COTL1: variants seen among roughly 807,000 people sequenced by gnomAD.
COTL1 encodes coactosin-like protein.
In COTL1, 15 loss-of-function variants were observed where a neutral mutation model predicts 16.5. That is an observed-to-expected ratio of 0.91 (90% CI 0.61 to 1.40). The LOEUF (loss-of-function observed/expected upper bound fraction) is 1.40. Among genes scored for constraint, COTL1 ranks in the 40% most tolerant of loss-of-function variants. The pLI, the probability that COTL1 is intolerant of heterozygous loss-of-function variation, is 0.00. For missense variants in COTL1, 220 were observed against 201.5 expected (o/e 1.09, Z -0.56); for synonymous variants, 112 against 85.3 (o/e 1.31, Z -1.73).
chr16:84,601,453 G>C (rs1401930328), intron 2 of COTL1, among the ~76,000 whole-genome samples: 2 of 152,032 alleles, frequency 1.3e-5, no homozygotes, highest in South Asian at 2.1e-4. Flanking sequence ...TGTTTGATTA[G>C]GGTCTTTTTC....
At chr16:84,614,807 T>C (rs997960545) in intron 2 of COTL1, among the ~76,000 whole-genome samples, 4 of 152,028 alleles carry the variant, frequency 2.6e-5, no homozygotes, top group African/African-American at 9.7e-5. Context: ...TGGGCAACCA[T>C]GTCATTTGCA....
At chr16:84,616,884 G>C (rs1019205108) in intron 2 of COTL1, among the ~76,000 whole-genome samples, 3 of 152,182 alleles carry the variant, frequency 2.0e-5, no homozygotes, top group Non-Finnish European at 4.4e-5. Context: ...CCAGCAGTCC[G>C]GGTGGTGTGC....
At chr16:84,583,963 G>A (rs2967851) in intron 3 of COTL1, among the ~76,000 whole-genome samples, 25,729 of 152,132 alleles carry the variant, frequency 0.17, 5,176 homozygotes, top group African/African-American at 0.48. Context: ...AAAAGGATCA[G>A]GTGAATGAAC....
chr16:84,585,196 C>G (rs2150685431), intron 3 of COTL1, among the ~76,000 whole-genome samples: 1 of 149,960 alleles, frequency 6.7e-6, no homozygotes, highest in South Asian at 2.1e-4. Flanking sequence ...ACAGATCCCT[C>G]CACTAAAATT....
chr16:84,579,278 C>T (rs1053866942), intron 3 of COTL1, among the ~76,000 whole-genome samples: 2 of 152,232 alleles, frequency 1.3e-5, no homozygotes, highest in African/African-American at 4.8e-5. Context: ...AGGTGGATCA[C>T]CTGAGGTCAG....
At position 84,614,307 on chromosome 16, in the gene COTL1, C is replaced by T. The variant is rs541678956; in HGVS notation, c.160+3194G>A. On this transcript the variant is annotated intron_variant, in intron 2 of 3. Coordinates refer to ENST00000262428, the MANE Select transcript of COTL1 (RefSeq NM_021149.5). Reference sequence around the variant, plus strand: ...GCCAGGCAAGCTCGGGAAGAAGCAGCGCAGACCCAGAGCAGGCAGAAAGAT... The same window carrying T: ...GCCAGGCAAGCTCGGGAAGAAGCAGTGCAGACCCAGAGCAGGCAGAAAGAT... Among the ~76,000 whole-genome samples, 19 of 152,252 alleles carry T rather than the reference C, an allele frequency of 1.2e-4. No individual in the cohort carries two copies. The East Asian group carries it at 1.4e-3, about 11-fold the overall frequency.
At chr16:84,609,696 G>C (rs754990673) in intron 2 of COTL1, among the ~76,000 whole-genome samples, 14 of 152,184 alleles carry the variant, frequency 9.2e-5, no homozygotes, top group Non-Finnish European at 1.6e-4. Context: ...GGAGATAATT[G>C]ACTCAGGGGG....
intron 2 of COTL1, among the ~76,000 whole-genome samples, chr16:84,609,255 G>A (rs1164865459): frequency 6.6e-6 from 1 of 152,126 alleles, no homozygotes; most frequent in African/African-American, 2.4e-5. Flanking sequence ...TGACTCCTTC[G>A]CATTCCAGCT....
intron 2 of COTL1, among the ~76,000 whole-genome samples, chr16:84,612,613 T>C (rs1905357625): frequency 6.6e-6 from 1 of 152,052 alleles, no homozygotes; most frequent in Non-Finnish European, 1.5e-5. Flanking sequence ...TGAAACCCCG[T>C]CTCTACTAAA....
rs758152831 is a variant in COTL1, at chr16:84,590,161, C to T, written c.262G>A (p.Gly88Arg). 9 of 1,614,140 alleles carry T rather than the reference C, an allele frequency of 5.6e-6. No homozygotes were observed. Among genetic ancestry groups the T allele is most frequent in the East Asian group, 2.2e-5 (1 of 44,884 alleles). The part of the protein sequence containing the change: ...LITWIGENVS[G>R]LQRAKTGTDK... ...GTCCCGGTTTTGGCGCGCTGCAGCC[C>T]GCTGACGTTCTCACCGATCCACGTG... The change falls in exon 3 of 4, where the codon GGG (glycine) becomes AGG (arginine). Residue 88 changes from glycine to arginine, a missense_variant. Physicochemically the swap from Gly to Arg is moderately radical, Grantham distance 125. Transcript: ENST00000262428. The surrounding 1 kb of genome is among the most constrained non-coding windows in gnomAD (Gnocchi z 5.5).
intron 3 of COTL1, among the ~76,000 whole-genome samples, chr16:84,584,672 T>C (rs956737996): frequency 5.3e-5 from 8 of 152,102 alleles, no homozygotes; most frequent in African/African-American, 1.9e-4. Context: ...ATCTACAGTG[T>C]AGAAACATTT....
At chr16:84,613,131 C>T (rs571802061) in intron 2 of COTL1, among the ~76,000 whole-genome samples, 110 of 151,856 alleles carry the variant, frequency 7.2e-4, no homozygotes, top group Non-Finnish European at 1.4e-3. Flanking sequence ...CTCCGAGTAG[C>T]TGGGATTATA....
At chr16:84,608,714 T>A (rs1266627224) in intron 2 of COTL1, among the ~76,000 whole-genome samples, 1 of 152,198 alleles carries the variant, frequency 6.6e-6, no homozygotes, top group Non-Finnish European at 1.5e-5. Context: ...GAGACCTGCC[T>A]GGACAACATA....
intron 3 of COTL1, among the ~76,000 whole-genome samples, chr16:84,573,436 A>G (rs567873694): frequency 1.3e-5 from 2 of 152,340 alleles, no homozygotes; most frequent in South Asian, 4.1e-4. Context: ...CATCTGCGCC[A>G]TGTCCAGATC....
At position 84,590,071 on chromosome 16, in the gene COTL1, G is replaced by C; in HGVS notation, c.318+34C>G. On this transcript the variant is annotated intron_variant, in intron 3 of 3. Transcript: ENST00000262428. The surrounding 1 kb of genome is among the most constrained non-coding windows in gnomAD (Gnocchi z 5.5). Reference sequence around the variant, plus strand: ...CTTGCAGGATGGTGACCCTTGGCGAGCTTTGACCTCCAGACTCTGGAGGAA... The same window carrying C: ...CTTGCAGGATGGTGACCCTTGGCGACCTTTGACCTCCAGACTCTGGAGGAA... 6 of 1,585,716 alleles carry C rather than the reference G, an allele frequency of 3.8e-6. No individual in the cohort carries two copies. The highest frequency in any genetic ancestry group is 5.2e-6 in the Non-Finnish European group (6 of 1,159,550).
At position 84,582,244 on chromosome 16, in the gene COTL1, C is replaced by G. The variant is rs532040020; in HGVS notation, c.318+7861G>C. Among the ~76,000 whole-genome samples the G allele has an allele frequency of 4.6e-5, 7 of 152,176 alleles. No homozygotes were observed. The East Asian group carries it at 1.4e-3, about 29-fold the overall frequency. On this transcript the variant is annotated intron_variant, in intron 3 of 3. Coordinates refer to ENST00000262428, the MANE Select transcript of COTL1 (RefSeq NM_021149.5). Reference sequence around the variant, plus strand: ...TCCTGACCTCAAGTGATCCACCCACCTCGGCCTCCCAAAGTGCTGGGATTA... The same window carrying G: ...TCCTGACCTCAAGTGATCCACCCACGTCGGCCTCCCAAAGTGCTGGGATTA...
intron 3 of COTL1, among the ~76,000 whole-genome samples, chr16:84,584,708 T>C (rs897494450): frequency 2.6e-5 from 4 of 152,206 alleles, no homozygotes; most frequent in Non-Finnish European, 5.9e-5. Context: ...CATCACGGTG[T>C]TGTCTAAACA....
At chr16:84,601,469 T>C (rs931916927) in intron 2 of COTL1, among the ~76,000 whole-genome samples, 2 of 151,936 alleles carry the variant, frequency 1.3e-5, no homozygotes, top group Non-Finnish European at 2.9e-5. Context: ...TTTTCTTTTA[T>C]CCCCCCGAGA....
chr16:84,600,533 G>A (rs1435497108), intron 2 of COTL1, among the ~76,000 whole-genome samples: 1 of 152,090 alleles, frequency 6.6e-6, no homozygotes, highest in Non-Finnish European at 1.5e-5. Context: ...GGCTGATCTC[G>A]AACCCCTGAC....
Sources: gnomAD v4.1 joint callset for allele counts (sites outside exome capture counted in the v4.1 genomes callset) on GRCh38, gnomAD v4.1.1 for gene constraint, Gnocchi (gnomAD v3.1) non-coding constraint, MANE v1.5 for transcripts, NCBI Gene and HGNC (gene_info 2026-07-23, HGNC 2026-07-21) for gene names.